Variants in PCDH9 observed in about 807,000 individuals in gnomAD.
The protein encoded by PCDH9 is protocadherin-9.
PCDH9 carries 24 observed loss-of-function variants against 70.6 expected under a neutral mutation model. The ratio of observed to expected loss-of-function variants is 0.34; its 90% confidence interval spans 0.25 to 0.48. The LOEUF (loss-of-function observed/expected upper bound fraction) is 0.48, where lower values mean the gene tolerates loss of function less well. PCDH9 is among the 20% of genes least tolerant of loss of function. The probability of loss-of-function intolerance (pLI) is 0.99; values close to 1 mark genes in which losing one functional copy is unlikely to be tolerated. For missense variants in PCDH9, 1,281 were observed against 1,503.6 expected (o/e 0.85, Z 2.45); for synonymous variants, 562 against 558.5 (o/e 1.01, Z -0.09).
intron 4 of PCDH9, among the ~76,000 whole-genome samples, chr13:66,621,080 A>C (rs971442307): frequency 2.0e-5 from 3 of 152,128 alleles, no homozygotes; most frequent in African/African-American, 7.3e-5. Context: ...CTAAAAGTTT[A>C]ATATAGACTA....
intron 2 of PCDH9, among the ~76,000 whole-genome samples, chr13:66,965,645 T>C (rs2083422560): frequency 6.6e-6 from 1 of 152,066 alleles, no homozygotes; most frequent in African/African-American, 2.4e-5. Flanking sequence ...CAGAATTTTA[T>C]TATTAATTGA....
intron 4 of PCDH9, among the ~76,000 whole-genome samples, chr13:66,483,020 G>A (rs925737114): frequency 6.6e-6 from 1 of 152,092 alleles, no homozygotes; most frequent in Non-Finnish European, 1.5e-5. Context: ...GGAATTCATG[G>A]CCACTGCAGA....
chr13:66,730,898 T>TTG (rs2079070716), intron 3 of PCDH9, among the ~76,000 whole-genome samples: 2 of 127,272 alleles, frequency 1.6e-5, no homozygotes, highest in Non-Finnish European at 3.5e-5. Context: ...TTTGTTTCTT[T>TTG]TTTTTTGTGG....
At chr13:67,119,556 T>C (rs139527782) in intron 2 of PCDH9, among the ~76,000 whole-genome samples, 1 of 152,146 alleles carries the variant, frequency 6.6e-6, no homozygotes, top group East Asian at 1.9e-4. Context: ...TGAAAAAAAT[T>C]AGAGCCAAGT....
At chr13:66,637,081 T>C (rs2077647996) in intron 3 of PCDH9, among the ~76,000 whole-genome samples, 1 of 152,170 alleles carries the variant, frequency 6.6e-6, no homozygotes, top group Non-Finnish European at 1.5e-5. Context: ...TTGTAATTTA[T>C]AAATAGCTGT....
chr13:66,971,775 A>C (rs984380468), intron 2 of PCDH9, among the ~76,000 whole-genome samples: 3 of 151,990 alleles, frequency 2.0e-5, no homozygotes, highest in African/African-American at 7.2e-5. Flanking sequence ...CTTGTCAAAT[A>C]ATATATCTGA....
At chr13:67,032,074 G>A (rs1034321212) in intron 2 of PCDH9, among the ~76,000 whole-genome samples, 3 of 152,328 alleles carry the variant, frequency 2.0e-5, no homozygotes, top group African/African-American at 2.4e-5. Context: ...TGAGCTTCCA[G>A]TGGAAAAGCC....
At chr13:66,909,337 G>A (rs181084529) in intron 2 of PCDH9, among the ~76,000 whole-genome samples, 2 of 151,982 alleles carry the variant, frequency 1.3e-5, no homozygotes, top group Non-Finnish European at 2.9e-5. Context: ...TCATAGATTG[G>A]AAGGATTAAT....
At chr13:66,467,050 G>C (rs1402323745) in intron 4 of PCDH9, among the ~76,000 whole-genome samples, 1 of 151,932 alleles carries the variant, frequency 6.6e-6, no homozygotes, top group African/African-American at 2.4e-5. Context: ...CCCCTAACCT[G>C]GAAGAATTCC....
At chr13:66,966,028 A>G (rs746373457) in intron 2 of PCDH9, among the ~76,000 whole-genome samples, 3 of 152,128 alleles carry the variant, frequency 2.0e-5, no homozygotes, top group Non-Finnish European at 4.4e-5. Context: ...CTAATTTACG[A>G]TATACATGAA....
chr13:66,430,066 A>C (rs1298592572), intron 4 of PCDH9, among the ~76,000 whole-genome samples: 1 of 152,072 alleles, frequency 6.6e-6, no homozygotes, highest in Non-Finnish European at 1.5e-5. Flanking sequence ...TTTTGTTTCA[A>C]GTCAAAGTTT....
chr13:66,347,436 T>G (rs1956229141), intron 4 of PCDH9, among the ~76,000 whole-genome samples: 1 of 151,900 alleles, frequency 6.6e-6, no homozygotes, highest in Admixed American at 6.6e-5. Context: ...AAAACAAATG[T>G]CAGATTAGGA....
chr13:66,570,811 G>C (rs1339784686), intron 4 of PCDH9, among the ~76,000 whole-genome samples: 1 of 151,990 alleles, frequency 6.6e-6, no homozygotes, highest in East Asian at 1.9e-4. Flanking sequence ...TTTAAAAAAG[G>C]TATTTATTTC....
chr13:66,326,454 C>T (rs537959904), intron 4 of PCDH9, among the ~76,000 whole-genome samples: 65 of 151,932 alleles, frequency 4.3e-4, no homozygotes, highest in Non-Finnish European at 5.0e-4. Context: ...AGTCTTGCTC[C>T]GTCGCCCAGG....
intron 4 of PCDH9, among the ~76,000 whole-genome samples, chr13:66,582,590 G>T (rs771844436): frequency 6.6e-6 from 1 of 152,030 alleles, no homozygotes; most frequent in Non-Finnish European, 1.5e-5. Flanking sequence ...CCAACATCAC[G>T]CCACTGCACT....
At chr13:66,873,132 GC>G (rs558338974) in intron 3 of PCDH9, among the ~76,000 whole-genome samples, 209 of 152,028 alleles carry the variant, frequency 1.4e-3, no homozygotes, top group Middle Eastern at 3.4e-3. Flanking sequence ...GGCAAGTTAA[GC>G]AAAAAAGTAA....
At chr13:66,451,789 A>T (rs1958217511) in intron 4 of PCDH9, among the ~76,000 whole-genome samples, 1 of 152,208 alleles carries the variant, frequency 6.6e-6, no homozygotes, top group African/African-American at 2.4e-5. Flanking sequence ...AACATATGGA[A>T]AATTAATCTA....
intron 4 of PCDH9, among the ~76,000 whole-genome samples, chr13:66,536,233 C>G (rs1262558309): frequency 6.6e-6 from 1 of 151,982 alleles, no homozygotes; most frequent in Non-Finnish European, 1.5e-5. Flanking sequence ...TATTTAAGGT[C>G]TTACACCTCA....
At chr13:66,381,022 C>T (rs894061175) in intron 4 of PCDH9, among the ~76,000 whole-genome samples, 40 of 152,114 alleles carry the variant, frequency 2.6e-4, no homozygotes, top group African/African-American at 9.2e-4. Flanking sequence ...AACATGCTTG[C>T]AAAACAATCT....
Sources: allele counts gnomAD v4.1 joint callset (sites outside exome capture counted in the v4.1 genomes callset), GRCh38; gene constraint gnomAD v4.1.1; transcripts MANE v1.5; gene names NCBI Gene and HGNC (gene_info 2026-07-23, HGNC 2026-07-21).